SPTBN2: variants seen among roughly 807,000 people sequenced by gnomAD.
SPTBN2 encodes spectrin beta, non-erythrocytic 2.
A neutral mutation model predicts 284.2 loss-of-function variants in SPTBN2; 107 were observed. The ratio of observed to expected loss-of-function variants is 0.38; its 90% confidence interval spans 0.32 to 0.44. SPTBN2 has a LOEUF of 0.44. Among genes scored for constraint, SPTBN2 ranks in the 20% least tolerant of loss-of-function variants. The pLI is 1.00. For missense variants in SPTBN2, 2,569 were observed against 3,287.1 expected (o/e 0.78, Z 5.34); for synonymous variants, 1,289 against 1,354.8 (o/e 0.95, Z 1.07).
At position 66,687,543 on chromosome 11, in the gene SPTBN2, T is replaced by C; in HGVS notation, c.6606A>G (p.Ser2202=). The part of the protein sequence containing the change: ...SAMPQSRSTE[S]AHAATLPPRG... ...GAGGCGGCAGGGTGGCAGCATGGGCTGACTCGGTAGACCTGCTCTGGGGCA... is the reference window on the plus strand; with the variant it reads ...GAGGCGGCAGGGTGGCAGCATGGGCCGACTCGGTAGACCTGCTCTGGGGCA... Residue 2202 remains serine, a synonymous_variant, in exon 35 of 38, where the codon TCA becomes TCG. Transcript: ENST00000533211. The surrounding 1 kb of genome is among the most constrained non-coding windows in gnomAD (Gnocchi z 5.2). 6.2e-7 allele frequency: 1 copy of C among 1,612,352 alleles called. No homozygotes were observed. Among genetic ancestry groups the C allele is most frequent in the Non-Finnish European group, 8.5e-7 (1 of 1,180,014 alleles).
At chr11:66,704,036 G>T (rs1182916753) in intron 15 of SPTBN2, among the ~76,000 whole-genome samples, 1 of 142,562 alleles carries the variant, frequency 7.0e-6, no homozygotes, top group African/African-American at 2.6e-5. Flanking sequence ...GCAGTGGCAC[G>T]ATCTCGGCTC....
chr11:66,688,698 T>C lies in SPTBN2; in HGVS notation c.6186A>G (p.Ala2062=), dbSNP rs1361800704. The C allele has an allele frequency of 6.2e-7, 1 of 1,613,972 alleles. No homozygotes were observed. The highest frequency in any genetic ancestry group is 8.5e-7 in the Non-Finnish European group (1 of 1,180,012). ...IKRHEAFQKS[A]VAWEERFCAL... ...CACAGAATCGCTCCTCCCAGGCCACTGCTGACTTCTGGAAGGCCTCGTGCC... is the reference window on the plus strand; with the variant it reads ...CACAGAATCGCTCCTCCCAGGCCACCGCTGACTTCTGGAAGGCCTCGTGCC... Residue 2062 remains alanine (A), a synonymous_variant, in exon 31 of 38, where the codon GCA becomes GCG. Coordinates refer to ENST00000533211, the MANE Select transcript of SPTBN2 (RefSeq NM_006946.4).
rs766869082 is a variant in SPTBN2 at position 66,705,747 on chromosome 11, C to T, written c.1744G>A (p.Val582Met). ...LHELVEADIAVQAERVRAVSA... is the reference protein window; with the variant it reads ...LHELVEADIAMQAERVRAVSA... ...ACGGCCCGCACCCTCTCGGCCTGCACGGCGATGTCTGCCTCCACCAGCTCG... is the reference window on the plus strand; with the variant it reads ...ACGGCCCGCACCCTCTCGGCCTGCATGGCGATGTCTGCCTCCACCAGCTCG... Residue 582 changes from valine to methionine, a missense_variant, in exon 14 of 38, where the codon GTG (valine) becomes ATG (methionine). Transcript: ENST00000533211. The T allele has an allele frequency of 5.6e-6, 9 of 1,612,470 alleles. No individual in the cohort carries two copies. The highest frequency in any genetic ancestry group is 1.7e-5 in the Admixed American group (1 of 59,978).
chr11:66,740,722 CAGCTT>C (rs1229015356), intron 1 of SPTBN2, among the ~76,000 whole-genome samples: 1 of 152,194 alleles, frequency 6.6e-6, no homozygotes, highest in Non-Finnish European at 1.5e-5. Context: ...GGATGGGAAA[CAGCTT>C]AATAGTTGCT....
At position 66,693,588 on chromosome 11, in the gene SPTBN2, C is replaced by A; in HGVS notation, c.4594-142G>T. The A allele has an allele frequency of 7.1e-7, 1 of 1,417,976 alleles. No individual in the cohort carries two copies. Among genetic ancestry groups the A allele is most frequent in the South Asian group, 1.3e-5 (1 of 79,428 alleles). 87.8% of individuals were successfully genotyped at this position (1,417,976 alleles called of 1,614,324 possible). A position where few individuals can be genotyped will look rare whatever the true frequency, so the allele number is the denominator to read the frequency against. ...TAGCCTGGGGGTGCGATGGTAACAC[C>A]CGTCAGCCGCCCAGCCCCCACTATC... On this transcript the variant is annotated intron_variant, in intron 23 of 37. Transcript: ENST00000533211. This position sits in a 1 kb window ranked among gnomAD's most constrained non-coding sequence, Gnocchi z 5.7.
chr11:66,721,811 C>A (rs933952253), intron 1 of SPTBN2, among the ~76,000 whole-genome samples: 1 of 151,904 alleles, frequency 6.6e-6, no homozygotes, highest in African/African-American at 2.4e-5. Context: ...TTTGGGAGGC[C>A]GAGGTGGGTG....
rs2135515808 is a variant in SPTBN2 at position 66,714,411 on chromosome 11, G to A, written c.484-4C>T. 6.2e-7 allele frequency: 1 copy of A among 1,613,536 alleles called. No homozygotes were observed. The highest frequency in any genetic ancestry group is 1.3e-5 in the African/African-American group (1 of 75,038). ...TCTCCACACTGATGTCTTGGATCTAGGAAGGAAGCAAGCAGGGCCCTCAGT... is the reference window on the plus strand; with the variant it reads ...TCTCCACACTGATGTCTTGGATCTAAGAAGGAAGCAAGCAGGGCCCTCAGT... On this transcript the variant is annotated splice_region_variant and splice_polypyrimidine_tract_variant and intron_variant, in intron 5 of 37. Coordinates refer to ENST00000533211, the MANE Select transcript of SPTBN2 (RefSeq NM_006946.4).
intron 20 of SPTBN2, among the ~76,000 whole-genome samples, chr11:66,698,202 G>T (rs2135394073): frequency 6.6e-6 from 1 of 152,334 alleles, no homozygotes; most frequent in South Asian, 2.1e-4. Flanking sequence ...TTGGGAAACA[G>T]CCATGTTCAT....
In SPTBN2 at chr11:66,710,841, T is replaced by G; in HGVS notation, c.886-72A>C. Reference sequence around the variant, plus strand: ...CTGGCCCAGTCCTGCAGCTCCACCCTGCCCTTGCACTAGGGCAGTAAGACC... The same window carrying G: ...CTGGCCCAGTCCTGCAGCTCCACCCGGCCCTTGCACTAGGGCAGTAAGACC... On this transcript the variant is annotated intron_variant, in intron 9 of 37. Transcript: ENST00000533211. This position sits in a 1 kb window ranked among gnomAD's most constrained non-coding sequence, Gnocchi z 4.9. 6.2e-7 allele frequency: 1 copy of G among 1,611,436 alleles called. No homozygotes were observed. The highest frequency in any genetic ancestry group is 1.1e-5 in the South Asian group (1 of 90,964).
At chr11:66,733,945 T>A (rs1403630289), upstream of SPTBN2, among the ~76,000 whole-genome samples, 1 of 135,862 alleles carries the variant, frequency 7.4e-6, no homozygotes, top group Non-Finnish European at 1.5e-5. Flanking sequence ...GCCACTGCAG[T>A]CCGCAGTCTG....
chr11:66,713,700 A>C lies in SPTBN2; in HGVS notation c.703T>G (p.Tyr235Asp). The C allele has an allele frequency of 6.2e-7, 1 of 1,614,174 alleles. No homozygotes were observed. Among genetic ancestry groups the C allele is most frequent in the Non-Finnish European group, 8.5e-7 (1 of 1,180,036 alleles). The change falls in exon 8 of 38, where the codon TAT becomes GAT. Residue 235 changes from tyrosine (Y) to aspartate (D), a missense_variant. By Grantham distance (160) the Tyr-to-Asp change is radical (BLOSUM62 -3). Around this residue, in one of 6 missense-constraint regions of SPTBN2, gnomAD observed 304 missense variants for 522.1 expected, o/e 0.58. Transcript: ENST00000533211. ...AGATTGAATGCATTCTGCAGATTAT[A>C]GTGTGCATTACACTTCTTCAGAGAC... ...FESLKKCNAH[Y>D]NLQNAFNLAE...
rs148344758 is a variant in SPTBN2, at chr11:66,686,094, C to T, written c.6950G>A (p.Ser2317Asn). Residue 2317 changes from serine to asparagine, a missense_variant, in exon 38 of 38, where the codon AGC becomes AAC. Coordinates refer to ENST00000533211, the MANE Select transcript of SPTBN2 (RefSeq NM_006946.4). ...LFQAKDEAEM[S>N]SWLRVVNAAI... is the part of the protein sequence containing the mutation. ...TGCATTCACCACCCGTAGCCACGAG[C>T]TCATCTCTGCCTGTGGATGGAAAGA... is the stretch of plus-strand genomic sequence containing the variant. 6.2e-7 allele frequency: 1 copy of T among 1,613,266 alleles called. No individual in the cohort carries two copies. Among genetic ancestry groups the T allele is most frequent in the East Asian group, 2.2e-5 (1 of 44,846 alleles).
chr11:66,721,067 C>A lies in SPTBN2; in HGVS notation c.157+17G>T, dbSNP rs777840002. 1 of 1,614,062 alleles carries A rather than the reference C, an allele frequency of 6.2e-7. No homozygotes were observed. The highest frequency in any genetic ancestry group is 1.3e-5 in the African/African-American group (1 of 74,924). On this transcript the variant is annotated intron_variant, in intron 3 of 37. Transcript: ENST00000533211. ...CTCCTCCAGCATCCCCCCACCTCGA[C>A]CCTCCTCTGACCTCACCTGCCAGAG...
intron 27 of SPTBN2, 27 bp from the exon 28 acceptor site, chr11:66,690,310 CAGA>C: frequency 6.3e-7 from 1 of 1,580,356 alleles, no homozygotes; most frequent in Non-Finnish European, 8.6e-7. Context: ...CAGAGTCAGG[CAGA>C]GCGGGGGACT....
At position 66,716,087 on chromosome 11, in the gene SPTBN2, C is replaced by T. The variant is rs574544850; in HGVS notation, c.158-106G>A. On this transcript the variant is annotated intron_variant, in intron 3 of 37. Transcript: ENST00000533211. ...ATGGAGAAGCCTGAGAGATGGGAAG[C>T]GGGGTCCTCTAAGGAGGAGGAAGGG... The T allele has an allele frequency of 1.1e-5, 16 of 1,490,102 alleles. 1 individual carries two copies. The highest frequency in any genetic ancestry group is 8.1e-5 in the South Asian group (7 of 86,646). The allele number at this position is 1,490,102 out of a possible 1,614,324, so 92.3% of individuals were successfully genotyped here.
At chr11:66,702,025 T>A (rs1287128496) in intron 15 of SPTBN2, among the ~76,000 whole-genome samples, 1 of 152,214 alleles carries the variant, frequency 6.6e-6, no homozygotes, top group East Asian at 1.9e-4. Flanking sequence ...CAACCCTTTA[T>A]CAGAGCTGCT....
Position 66,692,719 on chromosome 11 carries a change from T to G in SPTBN2, c.5007A>C (p.Gln1669His). The G allele has an allele frequency of 1.2e-6, 2 of 1,602,742 alleles. No individual in the cohort carries two copies. The highest frequency in any genetic ancestry group is 1.7e-6 in the Non-Finnish European group (2 of 1,179,936). Reference sequence around the variant, plus strand: ...CGGCATACAGCTTGTCCACCTGGGCTTGGCGGATGGATATCCGAGTGCTGC... The same window carrying G: ...CGGCATACAGCTTGTCCACCTGGGCGTGGCGGATGGATATCCGAGTGCTGC... Reference protein sequence around the residue: ...HPESTRISIRQAQVDKLYAGL... With the variant: ...HPESTRISIRHAQVDKLYAGL... The change falls in exon 26 of 38, where the codon CAA (glutamine) becomes CAC (histidine). Residue 1669 changes from glutamine (Q) to histidine (H), a missense_variant. Transcript: ENST00000533211.
At chr11:66,690,712 C>CATGAAG (rs1271235609) in intron 27 of SPTBN2, among the ~76,000 whole-genome samples, 3 of 152,184 alleles carry the variant, frequency 2.0e-5, no homozygotes, top group African/African-American at 7.2e-5. Context: ...TTTAGCGCAG[C>CATGAAG]ATGAAGAGTC....
In SPTBN2 at chr11:66,691,690, C is replaced by T. The variant is rs1474335763; in HGVS notation, c.5191-32G>A. On this transcript the variant is annotated intron_variant, in intron 26 of 37. Transcript: ENST00000533211. This position sits in a 1 kb window ranked among gnomAD's most constrained non-coding sequence, Gnocchi z 8.0. Reference sequence around the variant, plus strand: ...GAGGAAGCAGATGGACAGACCATGCCGTGATGTTAGGGGATGTGGTCCCTG... The same window carrying T: ...GAGGAAGCAGATGGACAGACCATGCTGTGATGTTAGGGGATGTGGTCCCTG... 3.1e-6 allele frequency: 5 copies of T among 1,612,604 alleles called. No homozygotes were observed. Among genetic ancestry groups the T allele is most frequent in the African/African-American group, 1.3e-5 (1 of 75,056 alleles).
Sources: gnomAD v4.1 joint callset for allele counts (sites outside exome capture counted in the v4.1 genomes callset) on GRCh38, gnomAD v4.1.1 for gene constraint, gnomAD v4.1.1 regional missense constraint, Gnocchi (gnomAD v3.1) non-coding constraint, MANE v1.5 for transcripts, NCBI Gene and HGNC (gene_info 2026-07-23, HGNC 2026-07-21) for gene names.